Variants in XIST observed in about 807,000 individuals in gnomAD.
The protein encoded by XIST is X inactive specific transcript, also known as X inactive specific transcript (non-protein coding).
At chrX:73,829,874 T>A (rs1271691798) in intron 4 of XIST, among the ~76,000 whole-genome samples, 1 of 108,584 alleles carries the variant, frequency 9.2e-6, no homozygotes, top group Non-Finnish European at 1.9e-5. Flanking sequence ...GATTAATAAC[T>A]GAGATCACAA....
At chrX:73,829,035 G>A (rs765099759) in intron 5 of XIST, 1 of 542,386 alleles carries the variant, frequency 1.8e-6, no homozygotes, top group African/African-American at 2.2e-5. Context: ...GTTCTGAAGT[G>A]ATCCTCACAG....
At chrX:73,825,350 G>A in exon 6 of XIST, 1 of 558,785 alleles carries the variant, frequency 1.8e-6, no homozygotes, top group African/African-American at 2.2e-5. Flanking sequence ...CCTTTTGAAA[G>A]AGCACTTTTT....
At chrX:73,849,907 G>C (rs760438316) in exon 1 of XIST, 1 of 528,490 alleles carries the variant, frequency 1.9e-6, no homozygotes, top group South Asian at 2.4e-5. Flanking sequence ...GTAGGGCTGG[G>C]GCTAGACTAG....
chrX:73,845,882 C>T (rs1318464725), exon 1 of XIST: 1 of 553,478 alleles, frequency 1.8e-6, no homozygotes, highest in African/African-American at 2.3e-5. Context: ...TATAATCACG[C>T]ACATAACAGG....
Position 73,849,683 on chromosome X carries a change from G to A in XIST, n.3041C>T. On this transcript the variant is annotated non_coding_transcript_exon_variant, in exon 1 of 6. Coordinates refer to ENST00000429829, the Ensembl canonical transcript of XIST. ...TATGCATTAACTGAAAATGGTCAAG[G>A]AGTCAGTACTGAAGATCAGCAATGC... 12 of 558,213 alleles carry A rather than the reference G, an allele frequency of 2.1e-5. No homozygotes were observed. In the Middle Eastern group the frequency reaches 3.7e-3, roughly 172 times the overall value. 46.0% of individuals were successfully genotyped at this position (558,213 alleles called of 1,213,427 possible). A position where few individuals can be genotyped will look rare whatever the true frequency, so the allele number is the denominator to read the frequency against.
exon 6 of XIST, chrX:73,827,956 CAAGA>C (rs774299143): frequency 2.7e-5 from 14 of 514,664 alleles, no homozygotes; most frequent in Middle Eastern, 6.3e-4. Context: ...AGAGCAAAGA[CAAGA>C]AAGAAAGAGA....
exon 1 of XIST, chrX:73,842,697 G>A (rs1314710260): frequency 7.2e-6 from 4 of 556,014 alleles, no homozygotes; most frequent in Non-Finnish European, 1.3e-5. Context: ...GGAAGTAGAG[G>A]GGTTCATGTA....
At chrX:73,821,017 G>A (rs1922098359) in exon 6 of XIST, 1 of 557,693 alleles carries the variant, frequency 1.8e-6, no homozygotes, top group Admixed American at 2.2e-5. Flanking sequence ...AGTAGTGGTA[G>A]TGATGCCAGA....
chrX:73,844,761 A>C (rs753825129), exon 1 of XIST: 1 of 558,787 alleles, frequency 1.8e-6, no homozygotes, highest in South Asian at 2.2e-5. Context: ...GCTGTACTGC[A>C]AAAGGGGTCT....
At chrX:73,849,566 GCT>G (rs1340221427) in exon 1 of XIST, 2 of 556,234 alleles carry the variant, frequency 3.6e-6, no homozygotes, top group East Asian at 6.5e-5. Context: ...GGGCAATAAT[GCT>G]CTGATAGAAA....
rs374091915 is a variant in XIST, at chrX:73,830,135, AAAG to A, written n.11753-907_11753-905del. ...AACATTGCAGCTAAAATACAAAAAA[AAAG>A]AAGAAGAAGAAGAAGAAAAAGAAAA... On this transcript the variant is annotated intron_variant and non_coding_transcript_variant, in intron 4 of 5. Transcript: ENST00000429829. Among the ~76,000 whole-genome samples the A allele has an allele frequency of 4.3e-3, 483 of 111,169 alleles. 2 individuals are homozygous for A. Among genetic ancestry groups the A allele is most frequent in the African/African-American group, 0.012 (380 of 30,514 alleles).
At chrX:73,849,304 T>C (rs1282627464) in exon 1 of XIST, 3 of 557,586 alleles carry the variant, frequency 5.4e-6, no homozygotes, top group East Asian at 6.5e-5. Flanking sequence ...GCATTTTAAC[T>C]GTCCAACAAA....
chrX:73,825,893 AG>A, exon 6 of XIST: 1 of 559,300 alleles, frequency 1.8e-6, no homozygotes, highest in Non-Finnish European at 3.2e-6. Flanking sequence ...AAAAAAATCA[AG>A]GAAAGTATTA....
intron 4 of XIST, among the ~76,000 whole-genome samples, chrX:73,829,619 C>T (rs775659030): frequency 1.8e-5 from 2 of 109,374 alleles, no homozygotes; most frequent in Non-Finnish European, 1.9e-5. Flanking sequence ...GGAGAAACAC[C>T]GTCTCTATTA....
At chrX:73,829,416 T>A (rs1301268091) in intron 4 of XIST, 2 of 384,462 alleles carry the variant, frequency 5.2e-6, no homozygotes, top group Non-Finnish European at 9.1e-6. Flanking sequence ...GAAACTGGCA[T>A]AAATGGGAAA....
chrX:73,833,802 G>C (rs372650117), intron 2 of XIST: 1 of 117,322 alleles, frequency 8.5e-6, no homozygotes. Context: ...GGGGATCTAA[G>C]CCAAATTTGC....
chrX:73,823,301 TTTTC>T (rs202012177), exon 6 of XIST: 504 of 475,637 alleles, frequency 1.1e-3, no homozygotes, highest in East Asian at 9.6e-3. Flanking sequence ...AAACTTGCAT[TTTTC>T]TTTCTTTTTT....
exon 6 of XIST, chrX:73,827,863 A>T (rs1297327088): frequency 3.8e-6 from 2 of 530,424 alleles, no homozygotes; most frequent in Non-Finnish European, 6.8e-6. Context: ...GAACAAAAAG[A>T]GAAAATGAGG....
rs780729810 is a variant in XIST, at chrX:73,845,179, C to T, written n.7545G>A. On this transcript the variant is annotated non_coding_transcript_exon_variant, in exon 1 of 6. Coordinates refer to ENST00000429829, the Ensembl canonical transcript of XIST. ...ACCTTGACTGTCCAAATGTAAGGGT[C>T]TTATGGAGCGGGTACTTCCTGCCAG... is the stretch of plus-strand genomic sequence containing the variant. 3 of 549,942 alleles carry T rather than the reference C, an allele frequency of 5.5e-6. No homozygotes were observed. The East Asian group carries it at 9.9e-5, about 18-fold the overall frequency. The allele number at this position is 549,942 out of a possible 1,213,427, so 45.3% of individuals were successfully genotyped here.
Sources: allele counts gnomAD v4.1 joint callset (sites outside exome capture counted in the v4.1 genomes callset), GRCh38; gene constraint gnomAD v4.1.1; transcripts MANE v1.5; gene names NCBI Gene and HGNC (gene_info 2026-07-23, HGNC 2026-07-21).